The following AFAP1 variants were observed in gnomAD, a reference collection of about 807,000 sequenced individuals.
The protein encoded by AFAP1 is actin filament-associated protein 1.
In AFAP1, 75 loss-of-function variants were observed where a neutral mutation model predicts 93.9. The observed-to-expected ratio is 0.80, with a 90% CI of 0.66 to 0.97. AFAP1 has a LOEUF of 0.97. AFAP1 is among the 50% of genes least tolerant of loss of function. The pLI is 0.00. For missense variants in AFAP1, 1,201 were observed against 1,050.8 expected, an observed-to-expected ratio of 1.14 and a Z score of -1.98; for synonymous variants, 517 against 430.7, an observed-to-expected ratio of 1.20 and a Z score of -2.48.
At chr4:7,791,995 T>C (rs950865442) in intron 11 of AFAP1, among the ~76,000 whole-genome samples, 2 of 152,132 alleles carry the variant, frequency 1.3e-5, no homozygotes, top group African/African-American at 2.4e-5. Flanking sequence ...GTAAACCCAG[T>C]TAATGTCCAG....
intron 1 of AFAP1, among the ~76,000 whole-genome samples, chr4:7,895,852 GTT>G (rs35666187): frequency 8.1e-5 from 9 of 110,612 alleles, no homozygotes; most frequent in Admixed American, 3.1e-4. Flanking sequence ...TCTTCAGAAA[GTT>G]TTTTTTTTTT....
At chr4:7,929,522 C>G (rs11733177) in intron 1 of AFAP1, among the ~76,000 whole-genome samples, 2 of 152,064 alleles carry the variant, frequency 1.3e-5, no homozygotes, top group Non-Finnish European at 2.9e-5. Flanking sequence ...AATCCAACTC[C>G]TCCCTCAAAG....
At chr4:7,931,814 T>C (rs1266483118) in intron 1 of AFAP1, among the ~76,000 whole-genome samples, 1 of 152,208 alleles carries the variant, frequency 6.6e-6, no homozygotes, top group East Asian at 1.9e-4. Flanking sequence ...GAGGAGTTCA[T>C]AAATTTCTGA....
chr4:7,812,880 C>T (rs1720172650), intron 8 of AFAP1, among the ~76,000 whole-genome samples: 1 of 152,174 alleles, frequency 6.6e-6, no homozygotes, highest in South Asian at 2.1e-4. Context: ...TACCAACAGA[C>T]ACATTCACAA....
chr4:7,929,498 G>C (rs1208291094), intron 1 of AFAP1, among the ~76,000 whole-genome samples: 1 of 152,192 alleles, frequency 6.6e-6, no homozygotes, highest in Non-Finnish European at 1.5e-5. Context: ...TCAGCTGCTC[G>C]GTTCCACTGT....
intron 6 of AFAP1, among the ~76,000 whole-genome samples, chr4:7,820,099 G>A (rs1720832544): frequency 6.6e-6 from 1 of 152,186 alleles, no homozygotes; most frequent in Admixed American, 6.5e-5. Context: ...CAGTGCAGGT[G>A]GCAGCAGAGG....
At chr4:7,871,059 C>T (rs1043358892) in intron 2 of AFAP1, among the ~76,000 whole-genome samples, 7 of 152,182 alleles carry the variant, frequency 4.6e-5, no homozygotes, top group African/African-American at 1.2e-4. Flanking sequence ...TCCACCACCC[C>T]GGTCTCTCAC....
intron 6 of AFAP1, among the ~76,000 whole-genome samples, chr4:7,832,785 C>T (rs943868626): frequency 3.3e-5 from 5 of 151,594 alleles, no homozygotes; most frequent in Non-Finnish European, 5.9e-5. Flanking sequence ...GTCATCAAAA[C>T]AAAACAGCAT....
In AFAP1 at chr4:7,831,719, G is replaced by A. The variant is rs118004501; in HGVS notation, c.726+6805C>T. ...AAGGACAGAGGAGAAAAAGAAGAAA[G>A]CTGAAATTTCAGAGCGGCCTTTTTT... On this transcript the variant is annotated intron_variant, in intron 6 of 17. Coordinates refer to ENST00000420658, the MANE Select transcript of AFAP1 (RefSeq NM_001134647.2). 4.9e-4 allele frequency among the ~76,000 whole-genome samples: 75 copies of A among 152,316 alleles called. 1 individual carries two copies. In the East Asian group the frequency reaches 0.013, roughly 27 times the overall value.
At chr4:7,849,052 A>G (rs1714133822) in intron 4 of AFAP1, among the ~76,000 whole-genome samples, 1 of 152,126 alleles carries the variant, frequency 6.6e-6, no homozygotes, top group Admixed American at 6.5e-5. Flanking sequence ...TGACACAAGA[A>G]TCTATCTTTA....
chr4:7,874,842 C>T (rs542385915), intron 1 of AFAP1, among the ~76,000 whole-genome samples: 14 of 152,042 alleles, frequency 9.2e-5, no homozygotes, highest in African/African-American at 2.9e-4. Context: ...AATGCAGTTA[C>T]TTTTCATAAA....
At chr4:7,802,066 T>C (rs1311151849) in intron 9 of AFAP1, among the ~76,000 whole-genome samples, 1 of 148,928 alleles carries the variant, frequency 6.7e-6, no homozygotes, top group African/African-American at 2.5e-5. Context: ...AAGAGAGGTA[T>C]GTTCAGGACC....
intron 3 of AFAP1, among the ~76,000 whole-genome samples, chr4:7,857,636 C>T (rs1397643962): frequency 6.6e-6 from 1 of 152,188 alleles, no homozygotes; most frequent in African/African-American, 2.4e-5. Flanking sequence ...TACAGGAGTC[C>T]ACATCCAAGT....
At chr4:7,929,977 GC>G (rs1275499159) in intron 1 of AFAP1, among the ~76,000 whole-genome samples, 1 of 152,238 alleles carries the variant, frequency 6.6e-6, no homozygotes, top group Admixed American at 6.5e-5. Context: ...TATGCAGCAT[GC>G]TGGTTAAAAG....
chr4:7,774,471 A>G (rs1715876899), intron 15 of AFAP1: 2 of 451,564 alleles, frequency 4.4e-6, no homozygotes, highest in Non-Finnish European at 7.8e-6. Context: ...AAGCCGGAAC[A>G]GGTCCCCCAG....
chr4:7,853,053 G>A (rs1003098286), intron 4 of AFAP1, among the ~76,000 whole-genome samples: 1 of 152,178 alleles, frequency 6.6e-6, no homozygotes, highest in African/African-American at 2.4e-5. Flanking sequence ...AGTGTGGCTA[G>A]AAGAGGTATG....
intron 1 of AFAP1, among the ~76,000 whole-genome samples, chr4:7,889,409 G>A (rs1010314724): frequency 2.6e-5 from 4 of 151,636 alleles, no homozygotes; most frequent in Non-Finnish European, 4.4e-5. Context: ...TTAGCCAGGC[G>A]TGGTGGCACG....
chr4:7,782,358 C>T (rs35617438), intron 12 of AFAP1, among the ~76,000 whole-genome samples: 30,876 of 152,288 alleles, frequency 0.2, 4,074 homozygotes, highest in Non-Finnish European at 0.3. Context: ...CCTATGGGAA[C>T]TGTCAACACA....
At chr4:7,903,534 C>T (rs528496543) in intron 1 of AFAP1, among the ~76,000 whole-genome samples, 8 of 152,288 alleles carry the variant, frequency 5.3e-5, no homozygotes, top group African/African-American at 1.9e-4. Context: ...CAAAAATTAG[C>T]TGGGCATGGT....
Sources: gnomAD v4.1 joint callset for allele counts (sites outside exome capture counted in the v4.1 genomes callset) on GRCh38, gnomAD v4.1.1 for gene constraint, MANE v1.5 for transcripts, NCBI Gene and HGNC (gene_info 2026-07-23, HGNC 2026-07-21) for gene names.